Variants in MMP16 observed in about 807,000 individuals in gnomAD.
The protein encoded by MMP16 is matrix metalloproteinase-16.
MMP16 carries 12 observed loss-of-function variants against 67.8 expected under a neutral mutation model. The observed-to-expected ratio is 0.18, with a 90% CI of 0.11 to 0.29. The LOEUF is 0.29. Ranked by LOEUF, MMP16 falls within the 10% of genes least tolerant of loss-of-function variation. MMP16 has a pLI of 1.00. For synonymous variants in MMP16, 249 were observed against 255.9 expected (o/e 0.97, Z 0.26); for missense variants, 475 against 765.7 (o/e 0.62, Z 4.48).
At chr8:88,188,626 T>C (rs549820331) in intron 2 of MMP16, among the ~76,000 whole-genome samples, 6 of 152,112 alleles carry the variant, frequency 3.9e-5, no homozygotes, top group Non-Finnish European at 5.9e-5. Flanking sequence ...GATTTCTTTG[T>C]CAAGTGTGTA....
intron 9 of MMP16, among the ~76,000 whole-genome samples, chr8:88,044,419 A>T (rs1808173855): frequency 6.6e-6 from 1 of 152,252 alleles, no homozygotes. Context: ...TCAAACCTTG[A>T]TCCTGCAAAA....
chr8:88,289,799 A>C (rs1465134840), intron 1 of MMP16, among the ~76,000 whole-genome samples: 1 of 151,946 alleles, frequency 6.6e-6, no homozygotes, highest in East Asian at 1.9e-4. Context: ...TCTTTTTTAA[A>C]AAAAAAGGAA....
chr8:88,056,460 T>C (rs1409966441), intron 7 of MMP16, among the ~76,000 whole-genome samples, 182 bp from the exon 8 acceptor site: 1 of 150,970 alleles, frequency 6.6e-6, no homozygotes, highest in African/African-American at 2.4e-5. Context: ...TAATGTTATC[T>C]TTGAAATATC....
chr8:88,281,176 C>G (rs1810729683), intron 1 of MMP16, among the ~76,000 whole-genome samples: 1 of 152,146 alleles, frequency 6.6e-6, no homozygotes, highest in African/African-American at 2.4e-5. Context: ...AAAACCATAT[C>G]TTGTAAGAAT....
Position 88,041,811 on chromosome 8 carries a change from T to TACAC in MMP16, c.1490-20_1490-17dup. The TACAC allele has an allele frequency of 6.4e-7, 1 of 1,557,688 alleles. No individual in the cohort carries two copies. The highest frequency in any genetic ancestry group is 8.8e-7 in the Non-Finnish European group (1 of 1,140,016). ...TACGTAAAGCCTAGGGGGAAAAACATACACACACACAGGTACCACTTATTT... is the reference window on the plus strand; with the variant it reads ...TACGTAAAGCCTAGGGGGAAAAACATACACACACACACACAGGTACCACTTATTT... On this transcript the variant is annotated splice_polypyrimidine_tract_variant and intron_variant, in intron 9 of 9. Coordinates refer to ENST00000286614, the MANE Select transcript of MMP16 (RefSeq NM_005941.5). The surrounding 1 kb of genome is among the most constrained non-coding windows in gnomAD (Gnocchi z 6.0).
At chr8:88,134,493 A>C (rs987811301) in intron 4 of MMP16, among the ~76,000 whole-genome samples, 7 of 151,586 alleles carry the variant, frequency 4.6e-5, no homozygotes, top group African/African-American at 1.7e-4. Context: ...TTTATTTTCT[A>C]TTTTGTAAGC....
intron 4 of MMP16, among the ~76,000 whole-genome samples, chr8:88,162,444 A>T (rs1484309920): frequency 6.6e-6 from 1 of 152,074 alleles, no homozygotes; most frequent in Non-Finnish European, 1.5e-5. Context: ...AGAAAAATGT[A>T]GTAGAGTTAA....
In MMP16 at chr8:88,200,573, A is replaced by G. The variant is rs567289442; in HGVS notation, c.133-3267T>C. Reference sequence around the variant, plus strand: ...ACCAGAAGACTGTTGTTCTCTGCAGAGTAAGATGATATATCCAGCAGTAAA... The same window carrying G: ...ACCAGAAGACTGTTGTTCTCTGCAGGGTAAGATGATATATCCAGCAGTAAA... On this transcript the variant is annotated intron_variant, in intron 1 of 9. Transcript: ENST00000286614. Among the ~76,000 whole-genome samples, 4 of 152,208 alleles carry G rather than the reference A, an allele frequency of 2.6e-5. No homozygotes were observed. In the East Asian group the frequency reaches 7.7e-4, roughly 29 times the overall value.
At chr8:88,289,536 C>A (rs573986607) in intron 1 of MMP16, among the ~76,000 whole-genome samples, 2 of 152,252 alleles carry the variant, frequency 1.3e-5, no homozygotes, top group East Asian at 3.9e-4. Flanking sequence ...TACACGCACA[C>A]AAAGCATTTT....
chr8:88,118,771 A>C lies in MMP16; in HGVS notation c.800T>G (p.Phe267Cys). 1 of 1,613,338 alleles carries C rather than the reference A, an allele frequency of 6.2e-7. No homozygotes were observed. Among genetic ancestry groups the C allele is most frequent in the Non-Finnish European group, 8.5e-7 (1 of 1,179,504 alleles). Reference sequence around the variant, plus strand: ...GTTGTCTGTTTCCATGTACTGGTAAAATGGAGCCATGATGGCAGTGGGGTC... The same window carrying C: ...GTTGTCTGTTTCCATGTACTGGTAACATGGAGCCATGATGGCAGTGGGGTC... Reference protein sequence around the residue: ...SNDPTAIMAPFYQYMETDNFK... With the variant: ...SNDPTAIMAPCYQYMETDNFK... The change falls in exon 5 of 10, where the codon TTT (phenylalanine) becomes TGT (cysteine). Residue 267 changes from phenylalanine (F) to cysteine (C), a missense_variant. By Grantham distance (205) the Phe-to-Cys change is radical (BLOSUM62 -2). Around this residue, in one of 5 missense-constraint regions of MMP16, gnomAD observed 195 missense variants for 300.9 expected, o/e 0.65. Coordinates refer to ENST00000286614, the MANE Select transcript of MMP16 (RefSeq NM_005941.5).
chr8:88,149,486 G>A (rs1472622557), intron 4 of MMP16, among the ~76,000 whole-genome samples: 1 of 152,096 alleles, frequency 6.6e-6, no homozygotes, highest in Non-Finnish European at 1.5e-5. Flanking sequence ...AGAGAGCAGT[G>A]GTTCTCCCAG....
chr8:88,278,551 T>A (rs778749480), intron 1 of MMP16, among the ~76,000 whole-genome samples: 7 of 152,168 alleles, frequency 4.6e-5, no homozygotes, highest in African/African-American at 1.4e-4. Flanking sequence ...GCTGTACACA[T>A]GATGTAGGCT....
chr8:88,116,804 G>C, intron 5 of MMP16, 86 bp from the exon 6 acceptor site: 1 of 1,213,546 alleles, frequency 8.2e-7, no homozygotes, highest in Non-Finnish European at 1.2e-6. Context: ...TCACTTATCA[G>C]CAGAAGGCAC....
At chr8:88,119,554 A>G (rs1407710670) in intron 4 of MMP16, among the ~76,000 whole-genome samples, 1 of 151,998 alleles carries the variant, frequency 6.6e-6, no homozygotes, top group African/African-American at 2.4e-5. Context: ...TATCACTGAA[A>G]ATTTCCACCT....
At chr8:88,101,052 A>C (rs977302299) in intron 6 of MMP16, among the ~76,000 whole-genome samples, 16 of 152,098 alleles carry the variant, frequency 1.1e-4, no homozygotes, top group Admixed American at 1.0e-3. Flanking sequence ...GCAACACACC[A>C]ACATGGCACA....
chr8:88,241,699 G>A (rs182585289), intron 1 of MMP16, among the ~76,000 whole-genome samples: 1 of 151,858 alleles, frequency 6.6e-6, no homozygotes, highest in African/African-American at 2.4e-5. Context: ...ATCACTTTTT[G>A]GTGAGAACTT....
At chr8:88,293,144 C>A (rs1810952635) in intron 1 of MMP16, among the ~76,000 whole-genome samples, 1 of 152,202 alleles carries the variant, frequency 6.6e-6, no homozygotes, top group African/African-American at 2.4e-5. Context: ...ATACTGAGTA[C>A]ATCTTGATTA....
chr8:88,221,659 G>T (rs1018802720), intron 1 of MMP16, among the ~76,000 whole-genome samples: 2 of 151,834 alleles, frequency 1.3e-5, no homozygotes, highest in African/African-American at 4.8e-5. Context: ...ATGACCAGTA[G>T]ACAGGATGAA....
intron 9 of MMP16, among the ~76,000 whole-genome samples, chr8:88,043,563 G>C (rs564332970): frequency 2.6e-5 from 4 of 152,240 alleles, no homozygotes; most frequent in African/African-American, 9.6e-5. Flanking sequence ...AAACATCCAA[G>C]GGTGTGATAG....
Sources: gnomAD v4.1 joint callset for allele counts (sites outside exome capture counted in the v4.1 genomes callset) on GRCh38, gnomAD v4.1.1 for gene constraint, gnomAD v4.1.1 regional missense constraint, Gnocchi (gnomAD v3.1) non-coding constraint, MANE v1.5 for transcripts, NCBI Gene and HGNC (gene_info 2026-07-23, HGNC 2026-07-21) for gene names.